F13A1: variants seen among roughly 807,000 people sequenced by gnomAD.
The protein encoded by F13A1 is FSF, A subunit.
A neutral mutation model predicts 80.1 loss-of-function variants in F13A1; 47 were observed. The ratio of observed to expected loss-of-function variants is 0.59; its 90% CI spans 0.46 to 0.75. F13A1 has a LOEUF of 0.75. Among genes scored for constraint, F13A1 ranks in the 30% least tolerant of loss-of-function variants. F13A1 has a pLI of 0.00. For missense variants in F13A1, 817 were observed against 930.4 expected, an observed-to-expected ratio of 0.88 and a Z score of 1.59; for synonymous variants, 349 against 344.9, an observed-to-expected ratio of 1.01 and a Z score of -0.13.
intron 4 of F13A1, among the ~76,000 whole-genome samples, chr6:6,251,971 C>CA (rs35518832): frequency 2.4e-4 from 36 of 146,994 alleles, no homozygotes; most frequent in East Asian, 7.9e-4. Flanking sequence ...CCCCTTCCTC[C>CA]AAAAAAAAAA....
chr6:6,310,274 G>C (rs1758571351), intron 2 of F13A1, among the ~76,000 whole-genome samples: 1 of 152,198 alleles, frequency 6.6e-6, no homozygotes, highest in Admixed American at 6.5e-5. Context: ...GTATACCACA[G>C]ATATCTCAGA....
intron 13 of F13A1, among the ~76,000 whole-genome samples, chr6:6,166,707 C>T (rs1006284865): frequency 4.6e-5 from 7 of 152,176 alleles, no homozygotes; most frequent in Admixed American, 1.3e-4. Context: ...CACAGAGGCT[C>T]CCACATTTAT....
At chr6:6,206,746 T>C in intron 8 of F13A1, 1 of 362,132 alleles carries the variant, frequency 2.8e-6, no homozygotes, top group Middle Eastern at 4.5e-4. Context: ...CATACATAAT[T>C]TTCTAAAAGA....
In F13A1 at chr6:6,260,456, C is replaced by T. The variant is rs3901252; in HGVS notation, c.571+6102G>A. Among the ~76,000 whole-genome samples, 443 of 152,256 alleles carry T rather than the reference C, an allele frequency of 2.9e-3. 14 individuals carry two copies. The East Asian group carries it at 0.075, about 26-fold the overall frequency. ...TCTTCTGCTATCTTTTTCACTTGGG[C>T]GACAGTCTCACCCCTCTCTTTTGAC... On this transcript the variant is annotated intron_variant, in intron 4 of 14. Coordinates refer to ENST00000264870, the MANE Select transcript of F13A1 (RefSeq NM_000129.4).
At chr6:6,153,485 A>G (rs908890054) in intron 13 of F13A1, among the ~76,000 whole-genome samples, 1 of 152,162 alleles carries the variant, frequency 6.6e-6, no homozygotes, top group African/African-American at 2.4e-5. Context: ...GACTAAATTT[A>G]TGGCTATGGG....
chr6:6,296,116 G>T lies in F13A1; in HGVS notation c.319+9235C>A, dbSNP rs1583116546. Among the ~76,000 whole-genome samples the T allele has an allele frequency of 2.0e-5, 3 of 150,608 alleles. No individual in the cohort carries two copies. In the East Asian group the frequency reaches 5.8e-4, roughly 29 times the overall value. ...TTCCATTGATCTATATCTCTGTTTT[G>T]GTACCAGTACTATGCTGTTTTGGTT... On this transcript the variant is annotated intron_variant, in intron 3 of 14. Coordinates refer to ENST00000264870, the MANE Select transcript of F13A1 (RefSeq NM_000129.4).
chr6:6,296,757 G>T (rs1266989100), intron 3 of F13A1, among the ~76,000 whole-genome samples: 1 of 144,462 alleles, frequency 6.9e-6, no homozygotes, highest in Non-Finnish European at 1.5e-5. Context: ...CTGCCTAATT[G>T]CCCTGGCCAG....
intron 4 of F13A1, among the ~76,000 whole-genome samples, chr6:6,252,064 C>A (rs1293539249): frequency 1.3e-5 from 2 of 152,032 alleles, no homozygotes; most frequent in East Asian, 3.8e-4. Flanking sequence ...AAAAAAAAAT[C>A]CCACAGTGGT....
intron 8 of F13A1, among the ~76,000 whole-genome samples, chr6:6,221,453 A>G (rs1434252035): frequency 6.6e-6 from 1 of 152,198 alleles, no homozygotes; most frequent in Non-Finnish European, 1.5e-5. Flanking sequence ...ATACTGCTGA[A>G]GTCATTTAAA....
At chr6:6,193,734 T>A (rs1242671291) in intron 10 of F13A1, among the ~76,000 whole-genome samples, 1 of 152,174 alleles carries the variant, frequency 6.6e-6, no homozygotes, top group Non-Finnish European at 1.5e-5. Context: ...GTCCTCCTTC[T>A]CCTTCTTTGC....
chr6:6,254,715 GTT>G (rs1757681143), intron 4 of F13A1, among the ~76,000 whole-genome samples: 1 of 152,142 alleles, frequency 6.6e-6, no homozygotes, highest in African/African-American at 2.4e-5. Context: ...GTACATGTGT[GTT>G]TATTTGAAAA....
rs1209075971 is a variant in F13A1 at position 6,295,864 on chromosome 6, T to C, written c.319+9487A>G. ...GTAATGCCTAGGTTTTCTTCTAGGG[T>C]TTTTATGGTTTTAGGTCTAACGTTT... On this transcript the variant is annotated intron_variant, in intron 3 of 14. Coordinates refer to ENST00000264870, the MANE Select transcript of F13A1 (RefSeq NM_000129.4). Among the ~76,000 whole-genome samples, 9 of 138,910 alleles carry C rather than the reference T, an allele frequency of 6.5e-5. No individual in the cohort carries two copies. In the East Asian group the frequency reaches 1.8e-3, roughly 28 times the overall value. 91.1% of individuals were successfully genotyped at this position (138,910 alleles called of 152,430 possible). A position where few individuals can be genotyped will look rare whatever the true frequency, so the allele number is the denominator to read the frequency against.
intron 10 of F13A1, among the ~76,000 whole-genome samples, chr6:6,190,158 C>G (rs1583063253): frequency 6.6e-6 from 1 of 151,722 alleles, no homozygotes; most frequent in Admixed American, 6.6e-5. Flanking sequence ...ACTTCTTTGC[C>G]TTTGGTTTGA....
At chr6:6,283,544 C>A (rs184486498) in intron 3 of F13A1, among the ~76,000 whole-genome samples, 198 of 152,182 alleles carry the variant, frequency 1.3e-3, no homozygotes, top group African/African-American at 4.6e-3. Context: ...AAAAACAGTT[C>A]TTTGTATGGT....
intron 2 of F13A1, among the ~76,000 whole-genome samples, chr6:6,311,573 T>A (rs36160039): frequency 7.8e-6 from 1 of 127,700 alleles, no homozygotes; most frequent in Admixed American, 7.9e-5. Flanking sequence ...TTTTCCATAG[T>A]GTAAACAAAC....
intron 3 of F13A1, among the ~76,000 whole-genome samples, chr6:6,280,301 G>A (rs1229857610): frequency 6.6e-6 from 1 of 152,284 alleles, no homozygotes; most frequent in East Asian, 1.9e-4. Context: ...AGTTTAGACT[G>A]TAATTTAATT....
At chr6:6,268,040 C>A (rs1583102812) in intron 3 of F13A1, among the ~76,000 whole-genome samples, 1 of 152,204 alleles carries the variant, frequency 6.6e-6, no homozygotes, top group Non-Finnish European at 1.5e-5. Context: ...CCAAGTTATA[C>A]AAAAATAGTA....
chr6:6,228,016 C>A (rs1583082439), intron 6 of F13A1, among the ~76,000 whole-genome samples: 1 of 152,260 alleles, frequency 6.6e-6, no homozygotes, highest in South Asian at 2.1e-4. Context: ...CCCTCATAAG[C>A]AACAAGATAT....
At chr6:6,186,358 C>G (rs1761080184) in intron 10 of F13A1, among the ~76,000 whole-genome samples, 2 of 152,098 alleles carry the variant, frequency 1.3e-5, no homozygotes, top group Admixed American at 6.6e-5. Flanking sequence ...GGTATAAGGT[C>G]TAACGTTTAA....
Sources: gnomAD v4.1 joint callset for allele counts (sites outside exome capture counted in the v4.1 genomes callset) on GRCh38, gnomAD v4.1.1 for gene constraint, MANE v1.5 for transcripts, NCBI Gene and HGNC (gene_info 2026-07-23, HGNC 2026-07-21) for gene names.